The following ZNF385D variants were observed in gnomAD, a reference collection of about 807,000 sequenced individuals.
ZNF385D encodes zinc finger protein 659.
Under a neutral mutation model 35.8 loss-of-function variants are expected in ZNF385D, and 15 were observed. That is an observed-to-expected ratio of 0.42 (90% CI 0.28 to 0.64). The LOEUF (loss-of-function observed/expected upper bound fraction) is 0.64. ZNF385D is among the 30% of genes least tolerant of loss of function. ZNF385D has a pLI of 0.23. For missense variants in ZNF385D, 474 were observed against 494.6 expected, an observed-to-expected ratio of 0.96 and a Z score of 0.39; for synonymous variants, 212 against 186.8, an observed-to-expected ratio of 1.13 and a Z score of -1.10.
At position 22,245,561 on chromosome 3, in the gene ZNF385D, G is replaced by A. The variant is rs116764530; in HGVS notation, c.107-76526C>T. Among the ~76,000 whole-genome samples, 564 of 151,572 alleles carry A rather than the reference G, an allele frequency of 3.7e-3. 4 individuals are homozygous for A. Among genetic ancestry groups the A allele is most frequent in the African/African-American group, 0.013 (530 of 41,316 alleles). On this transcript the variant is annotated intron_variant, in intron 2 of 5. Coordinates refer to the ZNF385D transcript ENST00000494108. ...ATTCCTATTTGATTCTCCTTAATTGGTATTTTAAAGTTGCTTGATTAAAGC... is the reference window on the plus strand; with the variant it reads ...ATTCCTATTTGATTCTCCTTAATTGATATTTTAAAGTTGCTTGATTAAAGC...
At chr3:21,644,566 G>T (rs2065697763) in intron 2 of ZNF385D, among the ~76,000 whole-genome samples, 1 of 152,170 alleles carries the variant, frequency 6.6e-6, no homozygotes, top group East Asian at 1.9e-4. Flanking sequence ...CCCTGGCCAA[G>T]AAATGACATT....
At chr3:21,723,668 A>G (rs2068634656) in intron 1 of ZNF385D, among the ~76,000 whole-genome samples, 1 of 152,190 alleles carries the variant, frequency 6.6e-6, no homozygotes, top group Non-Finnish European at 1.5e-5. Context: ...CCAAATCTAC[A>G]TTTGATTGAT....
chr3:21,831,018 C>G (rs559991482), intron 3 of ZNF385D, among the ~76,000 whole-genome samples: 2 of 152,180 alleles, frequency 1.3e-5, no homozygotes, highest in East Asian at 3.9e-4. Flanking sequence ...GAGTCAGGTT[C>G]CAGGGCTTCA....
intron 3 of ZNF385D, among the ~76,000 whole-genome samples, chr3:22,143,059 T>TTGTGTGTGTGTGTGTGTG (rs57448532): frequency 1.4e-4 from 20 of 140,996 alleles, no homozygotes; most frequent in African/African-American, 4.6e-4. Context: ...ATTAAATCGG[T>TTGTGTGTGTGTGTGTGTG]TGTGTGTGTG....
intron 1 of ZNF385D, among the ~76,000 whole-genome samples, chr3:21,701,467 G>C (rs945332170): frequency 6.6e-5 from 10 of 152,116 alleles, no homozygotes; most frequent in Non-Finnish European, 1.3e-4. Flanking sequence ...CTGGGAGATA[G>C]AATTCAACTT....
Position 21,726,099 on chromosome 3 carries a change from T to C in ZNF385D, c.22+24796A>G, listed in dbSNP as rs531092417. ...AACCACATGATTATCTCAATAGATGTAGAGAAGGCCTTCGACAAAATTCAA... is the reference window on the plus strand; with the variant it reads ...AACCACATGATTATCTCAATAGATGCAGAGAAGGCCTTCGACAAAATTCAA... On this transcript the variant is annotated intron_variant, in intron 1 of 7. Coordinates refer to ENST00000281523, the MANE Select transcript of ZNF385D (RefSeq NM_024697.3). Among the ~76,000 whole-genome samples, 6 of 152,176 alleles carry C rather than the reference T, an allele frequency of 3.9e-5. No individual in the cohort carries two copies. The South Asian group carries it at 1.2e-3, about 32-fold the overall frequency.
chr3:21,438,364 C>G (rs1701679540), intron 4 of ZNF385D, among the ~76,000 whole-genome samples: 1 of 152,116 alleles, frequency 6.6e-6, no homozygotes, highest in African/African-American at 2.4e-5. Flanking sequence ...ACTGAAAAGT[C>G]CATGATAAAG....
chr3:22,121,735 C>A (rs1703100012), intron 3 of ZNF385D, among the ~76,000 whole-genome samples: 2 of 151,142 alleles, frequency 1.3e-5, no homozygotes, highest in Admixed American at 1.3e-4. Flanking sequence ...TCCCCTGTAC[C>A]TGGGCATTTT....
At chr3:22,349,823 G>A (rs1003107127) in intron 2 of ZNF385D, among the ~76,000 whole-genome samples, 5 of 152,038 alleles carry the variant, frequency 3.3e-5, no homozygotes, top group South Asian at 2.1e-4. Context: ...TACTAACTTC[G>A]ATAAATTTCT....
rs563437146 is a variant in ZNF385D, at chr3:22,193,632, T to A, written c.107-24597A>T. Among the ~76,000 whole-genome samples the A allele has an allele frequency of 3.4e-4, 52 of 152,126 alleles. No individual in the cohort carries two copies. In the Middle Eastern group the frequency reaches 0.01, roughly 30 times the overall value. On this transcript the variant is annotated intron_variant, in intron 2 of 5. Coordinates refer to the ZNF385D transcript ENST00000494108. ...ATTTGACCACTGAACTCTTTTATCA[T>A]AAAGCTTCTGGATTAGTGTTCCATG...
In ZNF385D at chr3:21,522,365, TCTCA is replaced by T. The variant is rs549683534; in HGVS notation, c.277-11346_277-11343del. On this transcript the variant is annotated intron_variant, in intron 3 of 7. Transcript: ENST00000281523. ...TTAACTTTTTTTTTTTGAGCAAGAG[TCTCA>T]CTCTGTCACCCAGGCTAGAGTGCAA... Among the ~76,000 whole-genome samples, 68 of 151,658 alleles carry T rather than the reference TCTCA, an allele frequency of 4.5e-4. 1 individual carries two copies. The South Asian group carries it at 5.0e-3, about 11-fold the overall frequency.
At chr3:21,953,290 A>C (rs1702147057) in intron 3 of ZNF385D, among the ~76,000 whole-genome samples, 1 of 151,844 alleles carries the variant, frequency 6.6e-6, no homozygotes, top group African/African-American at 2.4e-5. Context: ...AAAAAGTTAC[A>C]TCAAGCTCAA....
At chr3:21,773,357 C>T (rs565530213) in intron 3 of ZNF385D, among the ~76,000 whole-genome samples, 2 of 151,784 alleles carry the variant, frequency 1.3e-5, no homozygotes, top group South Asian at 2.1e-4. Context: ...AGTCTTTGCC[C>T]ATGAAAGATT....
intron 2 of ZNF385D, among the ~76,000 whole-genome samples, chr3:22,176,779 C>G (rs1694858713): frequency 1.3e-5 from 2 of 152,024 alleles, no homozygotes; most frequent in Admixed American, 6.6e-5. Context: ...AATGACTCAC[C>G]ATGAAAGCAC....
At chr3:21,785,828 T>C (rs898511798) in intron 3 of ZNF385D, among the ~76,000 whole-genome samples, 2 of 152,160 alleles carry the variant, frequency 1.3e-5, no homozygotes, top group African/African-American at 4.8e-5. Flanking sequence ...GAGAAATATA[T>C]AAACCTATTT....
intron 4 of ZNF385D, among the ~76,000 whole-genome samples, chr3:21,478,014 C>A (rs1051332514): frequency 4.6e-5 from 7 of 152,088 alleles, no homozygotes; most frequent in Non-Finnish European, 1.0e-4. Flanking sequence ...ATTAAAATGT[C>A]CTTGGCTTAC....
intron 2 of ZNF385D, among the ~76,000 whole-genome samples, chr3:22,342,229 A>G (rs939322809): frequency 6.9e-6 from 1 of 144,504 alleles, no homozygotes; most frequent in African/African-American, 2.6e-5. Context: ...GTGAGCCGAG[A>G]TAGCCCCATT....
At chr3:21,978,948 T>C (rs1369437706) in intron 3 of ZNF385D, among the ~76,000 whole-genome samples, 4 of 152,192 alleles carry the variant, frequency 2.6e-5, no homozygotes, top group Non-Finnish European at 5.9e-5. Flanking sequence ...TTCATATTAA[T>C]ATCTAAAATT....
At chr3:21,548,559 C>A (rs2062459970) in intron 3 of ZNF385D, among the ~76,000 whole-genome samples, 1 of 152,198 alleles carries the variant, frequency 6.6e-6, no homozygotes, top group Admixed American at 6.5e-5. Flanking sequence ...AATAGACTCT[C>A]AACACAGATT....
Sources: gnomAD v4.1 joint callset for allele counts (sites outside exome capture counted in the v4.1 genomes callset) on GRCh38, gnomAD v4.1.1 for gene constraint, MANE v1.5 for transcripts, NCBI Gene and HGNC (gene_info 2026-07-23, HGNC 2026-07-21) for gene names.